Variants in CCDC63 observed in about 807,000 individuals in gnomAD.
CCDC63 encodes the protein coiled-coil domain-containing protein 63.
Under a neutral mutation model 63.6 loss-of-function variants are expected in CCDC63, and 54 were observed. The observed-to-expected ratio is 0.85, with a 90% CI of 0.68 to 1.07. The LOEUF (loss-of-function observed/expected upper bound fraction) is 1.07, where lower values mean the gene tolerates loss of function less well. Among genes scored for constraint, CCDC63 ranks in the 50% least tolerant of loss-of-function variants. The pLI, the probability that CCDC63 is intolerant of heterozygous loss-of-function variation, is 0.00. For synonymous variants in CCDC63, 253 were observed against 266.1 expected (o/e 0.95, Z 0.48); for missense variants, 637 against 689.6 (o/e 0.92, Z 0.86).
At position 110,858,574 on chromosome 12, in the gene CCDC63, C is replaced by G. The variant is rs1389678521; in HGVS notation, c.180-12C>G. ...GGGGTTTGGGGTTAATCATGGGCTG[C>G]TTTTCCAACAGCAAGGAGATCAAGA... On this transcript the variant is annotated splice_polypyrimidine_tract_variant and intron_variant, in intron 3 of 11. Coordinates refer to ENST00000308208, the MANE Select transcript of CCDC63 (RefSeq NM_152591.3). 1 of 1,603,614 alleles carries G rather than the reference C, an allele frequency of 6.2e-7. No individual in the cohort carries two copies. The highest frequency in any genetic ancestry group is 1.1e-5 in the South Asian group (1 of 89,470).
At chr12:110,892,969 C>A in intron 8 of CCDC63, 107 bp from the exon 9 acceptor site, 1 of 851,684 alleles carries the variant, frequency 1.2e-6, no homozygotes, top group Non-Finnish European at 1.9e-6. Context: ...CTCTTTGAAA[C>A]GGATCATTGA....
chr12:110,898,355 G>A (rs2071439609), intron 9 of CCDC63, among the ~76,000 whole-genome samples: 2 of 151,622 alleles, frequency 1.3e-5, no homozygotes, highest in African/African-American at 4.8e-5. Context: ...GGGCGTGGTG[G>A]CTCATGCCTG....
At position 110,884,237 on chromosome 12, in the gene CCDC63, C is replaced by T. The variant is rs2071249468; in HGVS notation, c.1061C>T (p.Thr354Ile). 2 of 1,613,972 alleles carry T rather than the reference C, an allele frequency of 1.2e-6. No individual in the cohort carries two copies. The highest frequency in any genetic ancestry group is 1.7e-6 in the Non-Finnish European group (2 of 1,179,916). The change falls in exon 8 of 12, where the codon ACC (threonine) becomes ATC (isoleucine). Residue 354 changes from threonine (T) to isoleucine (I), a missense_variant. By Grantham distance (89) the Thr-to-Ile change is moderately conservative. Coordinates refer to ENST00000308208, the MANE Select transcript of CCDC63 (RefSeq NM_152591.3). Reference sequence around the variant, plus strand: ...GACATGGAGATGATGCACAAGAGGACCCAACGAATCCAGGTCAGGGCGGCT... The same window carrying T: ...GACATGGAGATGATGCACAAGAGGATCCAACGAATCCAGGTCAGGGCGGCT... ...NNDMEMMHKR[T>I]QRIQDEIILL...
At chr12:110,904,126 C>T (rs181931908) in intron 10 of CCDC63, among the ~76,000 whole-genome samples, 24 of 152,158 alleles carry the variant, frequency 1.6e-4, no homozygotes, top group African/African-American at 5.1e-4. Context: ...GAGGCTGATG[C>T]GGAAGGATCA....
intron 8 of CCDC63, among the ~76,000 whole-genome samples, chr12:110,891,634 CAAAAAAA>C (rs1167265918): frequency 1.5e-5 from 1 of 65,512 alleles, no homozygotes; most frequent in Non-Finnish European, 2.8e-5. Flanking sequence ...GACCCTTTCT[CAAAAAAA>C]AAAAAAAAAA....
chr12:110,862,956 A>G (rs1020896201), intron 4 of CCDC63, among the ~76,000 whole-genome samples: 3 of 151,928 alleles, frequency 2.0e-5, no homozygotes, highest in Non-Finnish European at 4.4e-5. Flanking sequence ...GAGTTTCACC[A>G]TGTTGGCCAG....
At chr12:110,852,299 A>G (rs1170356462) in intron 1 of CCDC63, among the ~76,000 whole-genome samples, 1 of 152,092 alleles carries the variant, frequency 6.6e-6, no homozygotes, top group Non-Finnish European at 1.5e-5. Flanking sequence ...TCTGTCACCC[A>G]GGCTGGAGTG....
intron 7 of CCDC63, among the ~76,000 whole-genome samples, chr12:110,882,348 C>A (rs2136700865): frequency 6.6e-6 from 1 of 151,998 alleles, no homozygotes; most frequent in East Asian, 1.9e-4. Context: ...CCCATCTCTA[C>A]AATGAATAAA....
intron 5 of CCDC63, among the ~76,000 whole-genome samples, chr12:110,876,020 T>C (rs568046272): frequency 6.6e-5 from 10 of 151,134 alleles, no homozygotes; most frequent in Non-Finnish European, 1.2e-4. Context: ...GCAGGAGAAT[T>C]GCTTGAATCT....
At chr12:110,867,637 C>T (rs1222970093) in intron 4 of CCDC63, among the ~76,000 whole-genome samples, 3 of 130,374 alleles carry the variant, frequency 2.3e-5, no homozygotes, top group African/African-American at 3.0e-5. Flanking sequence ...TCCTCACTTC[C>T]CAGTAGGGGC....
chr12:110,879,792 A>G (rs1359576190), intron 5 of CCDC63, 114 bp from the exon 6 acceptor site: 3 of 984,876 alleles, frequency 3.0e-6, no homozygotes, highest in Non-Finnish European at 4.6e-6. Context: ...CCACTCCTCC[A>G]TGGCCCTTGC....
At chr12:110,883,332 G>T (rs1336587587) in intron 7 of CCDC63, among the ~76,000 whole-genome samples, 1 of 152,124 alleles carries the variant, frequency 6.6e-6, no homozygotes, top group East Asian at 1.9e-4. Context: ...CACTGCACCC[G>T]GCCTAATTTT....
At chr12:110,857,233 T>A (rs1414431301) in intron 3 of CCDC63, among the ~76,000 whole-genome samples, 1 of 151,918 alleles carries the variant, frequency 6.6e-6, no homozygotes, top group East Asian at 1.9e-4. Flanking sequence ...TTCAAGCAAT[T>A]CTCTGCCTCA....
At chr12:110,850,461 G>T (rs2070691907) in intron 1 of CCDC63, among the ~76,000 whole-genome samples, 1 of 152,234 alleles carries the variant, frequency 6.6e-6, no homozygotes, top group Non-Finnish European at 1.5e-5. Flanking sequence ...AAGCATCCAG[G>T]CTGGACGTGG....
At chr12:110,871,540 C>T (rs766748035) in intron 4 of CCDC63, among the ~76,000 whole-genome samples, 3 of 150,504 alleles carry the variant, frequency 2.0e-5, no homozygotes, top group Non-Finnish European at 3.0e-5. Context: ...TCCTTCCTTC[C>T]TCCCTCCCTC....
At chr12:110,899,259 G>T (rs2071454879) in intron 10 of CCDC63, 134 bp downstream of exon 10, 1 of 739,346 alleles carries the variant, frequency 1.4e-6, no homozygotes, top group Admixed American at 3.1e-5. Flanking sequence ...AGCCTGCCTG[G>T]GTTTGAATCC....
intron 4 of CCDC63, among the ~76,000 whole-genome samples, chr12:110,872,481 A>G (rs2136681779): frequency 1.4e-5 from 2 of 144,162 alleles, no homozygotes; most frequent in South Asian, 4.3e-4. Flanking sequence ...TGATTTTCAG[A>G]ATGGTGACCA....
chr12:110,890,129 CA>C (rs1476758857), intron 8 of CCDC63, among the ~76,000 whole-genome samples: 1 of 151,824 alleles, frequency 6.6e-6, no homozygotes, highest in Non-Finnish European at 1.5e-5. Flanking sequence ...CCCATCTCTA[CA>C]AAAAATACAA....
At chr12:110,859,670 C>T (rs187388306) in intron 4 of CCDC63, among the ~76,000 whole-genome samples, 3 of 134,262 alleles carry the variant, frequency 2.2e-5, no homozygotes, top group African/African-American at 8.3e-5. Flanking sequence ...ATTATGGTAA[C>T]AAAAAAAAAA....
Sources: gnomAD v4.1 joint callset for allele counts (sites outside exome capture counted in the v4.1 genomes callset) on GRCh38, gnomAD v4.1.1 for gene constraint, MANE v1.5 for transcripts, NCBI Gene and HGNC (gene_info 2026-07-23, HGNC 2026-07-21) for gene names.